Variants in TRERF1 observed in about 807,000 individuals in gnomAD.
TRERF1 encodes transcriptional-regulating factor 1.
TRERF1 carries 27 observed loss-of-function variants against 122.9 expected under a neutral mutation model. That is an observed-to-expected ratio of 0.22 (90% CI 0.16 to 0.30). The LOEUF (loss-of-function observed/expected upper bound fraction) is 0.30, where lower values mean the gene tolerates loss of function less well. Among genes scored for constraint, TRERF1 ranks in the 10% least tolerant of loss-of-function variants. TRERF1 has a pLI of 1.00. For synonymous variants in TRERF1, 636 were observed against 641.7 expected (o/e 0.99, Z 0.13); for missense variants, 1,248 against 1,560.3 (o/e 0.80, Z 3.37).
chr6:42,284,890 G>A (rs1379776010), intron 4 of TRERF1, among the ~76,000 whole-genome samples: 1 of 152,220 alleles, frequency 6.6e-6, no homozygotes, highest in African/African-American at 2.4e-5. Context: ...CAGGCAGAGC[G>A]CTGGGGTCCC....
intron 17 of TRERF1, among the ~76,000 whole-genome samples, chr6:42,231,198 C>A (rs1770484379): frequency 6.6e-6 from 1 of 152,202 alleles, no homozygotes; most frequent in Admixed American, 6.5e-5. Context: ...AGTTCAACCT[C>A]TTGCTCTCTC....
chr6:42,288,117 T>C (rs1156932493), intron 4 of TRERF1, among the ~76,000 whole-genome samples: 1 of 152,132 alleles, frequency 6.6e-6, no homozygotes, highest in African/African-American at 2.4e-5. Context: ...CCACTCATCA[T>C]AACAAAACAT....
intron 4 of TRERF1, among the ~76,000 whole-genome samples, chr6:42,288,823 G>C (rs1420683192): frequency 6.6e-6 from 1 of 152,032 alleles, no homozygotes; most frequent in African/African-American, 2.4e-5. Context: ...CTGAAATGGA[G>C]GAAAAAGGAA....
intron 2 of TRERF1, among the ~76,000 whole-genome samples, chr6:42,383,986 C>T (rs925303343): frequency 2.0e-5 from 3 of 151,458 alleles, no homozygotes; most frequent in African/African-American, 7.3e-5. Flanking sequence ...GAGACATCCT[C>T]ACCACTGTGT....
chr6:42,438,142 G>C (rs571409140), intron 2 of TRERF1, among the ~76,000 whole-genome samples: 1 of 151,208 alleles, frequency 6.6e-6, no homozygotes, highest in Admixed American at 6.6e-5. Context: ...GGCTGGTCTC[G>C]AACTCCTGAC....
chr6:42,242,231 G>A (rs1399501617), intron 15 of TRERF1, among the ~76,000 whole-genome samples: 1 of 152,106 alleles, frequency 6.6e-6, no homozygotes, highest in Non-Finnish European at 1.5e-5. Flanking sequence ...GCATAGAATT[G>A]GTATTAAATG....
At chr6:42,280,341 G>A (rs34492056) in intron 4 of TRERF1, among the ~76,000 whole-genome samples, 76 of 152,202 alleles carry the variant, frequency 5.0e-4, no homozygotes, top group Non-Finnish European at 1.1e-3. Context: ...CGAGGATCCG[G>A]TTCTGGCCTC....
intron 2 of TRERF1, among the ~76,000 whole-genome samples, chr6:42,403,429 G>A (rs1779710468): frequency 6.6e-6 from 1 of 152,070 alleles, no homozygotes. Flanking sequence ...AATGCCACGT[G>A]ACAATGGAGA....
rs1003148224 is a variant in TRERF1, at chr6:42,228,022, C to T, written c.*323G>A. 17 of 219,630 alleles carry T rather than the reference C, an allele frequency of 7.7e-5. No homozygotes were observed. Among genetic ancestry groups the T allele is most frequent in the African/African-American group, 3.2e-4 (14 of 43,284 alleles). 13.6% of individuals were successfully genotyped at this position (219,630 alleles called of 1,614,324 possible). On this transcript the variant is annotated 3_prime_UTR_variant, in exon 18 of 18. Transcript: ENST00000372922. This position sits in a 1 kb window ranked among gnomAD's most constrained non-coding sequence, Gnocchi z 4.2. ...AGCAAGCTTTGGGATAAAAGGCAAC[C>T]GGGATGGTTGACATCTGAATGCAAT...
rs72857671 is a variant in TRERF1, at chr6:42,403,260, G to A, written c.-453-40181C>T. ...TCTCCCAAAAATTCACGGCCACCTG[G>A]AATCTTAGAATGTGATTTTATTTGG... On this transcript the variant is annotated intron_variant, in intron 2 of 17. Coordinates refer to ENST00000372922, the Ensembl canonical transcript of TRERF1. 1.1e-4 allele frequency among the ~76,000 whole-genome samples: 17 copies of A among 152,212 alleles called. No homozygotes were observed. In the East Asian group the frequency reaches 1.9e-3, roughly 17 times the overall value.
rs1270566426 is a variant in TRERF1 at position 42,228,983 on chromosome 6, T to A, written c.3279-314A>T. 1.3e-5 allele frequency among the ~76,000 whole-genome samples: 2 copies of A among 152,192 alleles called. No individual in the cohort carries two copies. The highest frequency in any genetic ancestry group is 2.9e-5 in the Non-Finnish European group (2 of 68,028). ...TCTTTCTCCTCTTTCAGCCTCCCCC[T>A]TCTCCTCATCACTGACCATGCCCTC... On this transcript the variant is annotated intron_variant, in intron 17 of 17. Transcript: ENST00000372922. This position sits in a 1 kb window ranked among gnomAD's most constrained non-coding sequence, Gnocchi z 4.2.
At chr6:42,361,979 C>G (rs1317632540) in intron 3 of TRERF1, among the ~76,000 whole-genome samples, 1 of 152,172 alleles carries the variant, frequency 6.6e-6, no homozygotes, top group Non-Finnish European at 1.5e-5. Context: ...CATTCCTCTA[C>G]CAGGGACACC....
chr6:42,294,933 G>A (rs1784847477), intron 4 of TRERF1, among the ~76,000 whole-genome samples: 1 of 151,262 alleles, frequency 6.6e-6, no homozygotes, highest in East Asian at 2.0e-4. Context: ...ACGGCTCTGA[G>A]TAACCAGAAT....
At chr6:42,341,223 G>A (rs1282280406) in intron 3 of TRERF1, among the ~76,000 whole-genome samples, 1 of 152,206 alleles carries the variant, frequency 6.6e-6, no homozygotes, top group Non-Finnish European at 1.5e-5. Context: ...CCAAGCCTCG[G>A]CCATCTCATC....
At chr6:42,438,266 C>G (rs1049500010) in intron 2 of TRERF1, among the ~76,000 whole-genome samples, 6 of 151,732 alleles carry the variant, frequency 4.0e-5, no homozygotes, top group Non-Finnish European at 8.8e-5. Flanking sequence ...CCAACATATA[C>G]AAGGTAAGGT....
At chr6:42,336,130 G>A (rs1031982095) in intron 3 of TRERF1, among the ~76,000 whole-genome samples, 1 of 152,228 alleles carries the variant, frequency 6.6e-6, no homozygotes, top group Non-Finnish European at 1.5e-5. Context: ...ACGAAGGCCT[G>A]TTTTGTGCTG....
At chr6:42,230,104 C>T (rs1380271162) in intron 17 of TRERF1, among the ~76,000 whole-genome samples, 1 of 152,070 alleles carries the variant, frequency 6.6e-6, no homozygotes, top group South Asian at 2.1e-4. Flanking sequence ...AAAAACAAAA[C>T]AAAACAAAAA....
intron 3 of TRERF1, among the ~76,000 whole-genome samples, chr6:42,311,136 G>A (rs1324075923): frequency 1.3e-5 from 2 of 152,204 alleles, no homozygotes; most frequent in African/African-American, 4.8e-5. Context: ...CTGCCTTTGT[G>A]GAGCAGATAG....
At chr6:42,378,281 C>T (rs1775261396) in intron 2 of TRERF1, among the ~76,000 whole-genome samples, 1 of 151,912 alleles carries the variant, frequency 6.6e-6, no homozygotes, top group South Asian at 2.1e-4. Context: ...TGAAAGCAAA[C>T]TTGATAAGTC....
Sources: gnomAD v4.1 joint callset for allele counts (sites outside exome capture counted in the v4.1 genomes callset) on GRCh38, gnomAD v4.1.1 for gene constraint, Gnocchi (gnomAD v3.1) non-coding constraint, MANE v1.5 for transcripts, NCBI Gene and HGNC (gene_info 2026-07-23, HGNC 2026-07-21) for gene names.